PPARGC1B: variants seen among roughly 807,000 people sequenced by gnomAD.
The protein encoded by PPARGC1B is PPARG coactivator 1 beta.
A neutral mutation model predicts 101.6 loss-of-function variants in PPARGC1B; 34 were observed. The ratio of observed to expected loss-of-function variants is 0.33; its 90% CI spans 0.25 to 0.45. PPARGC1B has a LOEUF of 0.45. Ranked by LOEUF, PPARGC1B falls within the 20% of genes least tolerant of loss-of-function variation. The probability of loss-of-function intolerance (pLI) is 1.00; values close to 1 mark genes in which losing one functional copy is unlikely to be tolerated. For synonymous variants in PPARGC1B, 548 were observed against 539.3 expected (o/e 1.02, Z -0.22); for missense variants, 1,234 against 1,317.6 (o/e 0.94, Z 0.98).
At chr5:149,813,640 A>G (rs1757941551) in intron 1 of PPARGC1B, among the ~76,000 whole-genome samples, 1 of 152,194 alleles carries the variant, frequency 6.6e-6, no homozygotes, top group South Asian at 2.1e-4. Context: ...CATCCGCTGC[A>G]CCTTGGGAAG....
At chr5:149,855,927 G>T (rs147307172), downstream of PPARGC1B, among the ~76,000 whole-genome samples, 334 of 152,128 alleles carry the variant, frequency 2.2e-3, 12 homozygotes, top group East Asian at 0.06. Flanking sequence ...GACTAGCCTG[G>T]CCAACGTGGT....
Position 149,840,108 on chromosome 5 carries a change from A to G in PPARGC1B, c.2686A>G (p.Lys896Glu). 1 of 1,612,840 alleles carries G rather than the reference A, an allele frequency of 6.2e-7. No individual in the cohort carries two copies. The highest frequency in any genetic ancestry group is 2.2e-5 in the East Asian group (1 of 44,866). Residue 896 changes from lysine (K) to glutamate (E), a missense_variant, in exon 9 of 12, where the codon AAG becomes GAG. Around this residue, in one of 3 missense-constraint regions of PPARGC1B, gnomAD observed 497 missense variants for 529.5 expected, o/e 0.94. Coordinates refer to ENST00000309241, the MANE Select transcript of PPARGC1B (RefSeq NM_133263.4). ...SIRHARKRRE[K>E]AIGEGRVVYI... ...CCGGCACGCCAGGAAGCGGCGGGAA[A>G]AGGCCATTGTAAGTGATCTGGGGGC...
intron 1 of PPARGC1B, among the ~76,000 whole-genome samples, chr5:149,802,724 A>G (rs1757469354): frequency 6.6e-6 from 1 of 151,854 alleles, no homozygotes; most frequent in Non-Finnish European, 1.5e-5. Context: ...TGTTGCATCC[A>G]TGGTCACATG....
chr5:149,749,377 G>A (rs1183132870), intron 1 of PPARGC1B, among the ~76,000 whole-genome samples: 1 of 152,224 alleles, frequency 6.6e-6, no homozygotes, highest in Non-Finnish European at 1.5e-5. Context: ...GGTCACTGTT[G>A]TAGGAACTGG....
intron 1 of PPARGC1B, among the ~76,000 whole-genome samples, chr5:149,781,432 GCCTCAGTTTCCT>G (rs979328373): frequency 3.3e-5 from 5 of 152,184 alleles, no homozygotes; most frequent in Non-Finnish European, 7.3e-5. Flanking sequence ...GCCTCCCCAT[GCCTCAGTTTCCT>G]CCTGTGAAAA....
intron 6 of PPARGC1B, among the ~76,000 whole-genome samples, 154 bp downstream of exon 6, chr5:149,834,864 G>T (rs774663924): frequency 6.6e-6 from 1 of 152,216 alleles, no homozygotes; most frequent in Non-Finnish European, 1.5e-5. Flanking sequence ...CAGGAGCTGG[G>T]CTCCTTTAGA....
chr5:149,776,141 C>T (rs1390537208), intron 1 of PPARGC1B, among the ~76,000 whole-genome samples: 1 of 142,066 alleles, frequency 7.0e-6, no homozygotes, highest in African/African-American at 2.5e-5. Context: ...AACCCCTGTA[C>T]ATTCTATTCT....
At chr5:149,811,851 C>T (rs1298385194) in intron 1 of PPARGC1B, among the ~76,000 whole-genome samples, 2 of 152,228 alleles carry the variant, frequency 1.3e-5, no homozygotes, top group Non-Finnish European at 1.5e-5. Flanking sequence ...ATCCTGTTGC[C>T]CTGCCTACCA....
Position 149,835,462 on chromosome 5 carries a change from C to T in PPARGC1B, c.1807+97C>T, listed in dbSNP as rs538191695. The T allele has an allele frequency of 7.5e-5, 82 of 1,091,412 alleles. No homozygotes were observed. In the South Asian group the frequency reaches 7.7e-4, roughly 10 times the overall value. 67.6% of individuals were successfully genotyped at this position (1,091,412 alleles called of 1,614,324 possible). On this transcript the variant is annotated intron_variant, in intron 7 of 11. Coordinates refer to ENST00000309241, the MANE Select transcript of PPARGC1B (RefSeq NM_133263.4). ...CATGGGCAAGGTGCCACGCAATGAACGATGCGCAAGATGCCTGCCTTCACG... is the reference window on the plus strand; with the variant it reads ...CATGGGCAAGGTGCCACGCAATGAATGATGCGCAAGATGCCTGCCTTCACG...
rs1199839991 is a variant in PPARGC1B at position 149,755,052 on chromosome 5, C to CATATATATATATATATATATATATATAT, written c.78+24653_78+24654insTATATATATATATATATATATATATATA. Among the ~76,000 whole-genome samples, 109 of 108,852 alleles carry CATATATATATATATATATATATATATAT rather than the reference C, an allele frequency of 1.0e-3. 4 individuals are homozygous for CATATATATATATATATATATATATATAT. Among genetic ancestry groups the CATATATATATATATATATATATATATAT allele is most frequent in the African/African-American group, 3.7e-3 (97 of 26,528 alleles). The allele number at this position is 108,852 out of a possible 152,430, so 71.4% of individuals were successfully genotyped here. A position where few individuals can be genotyped will look rare whatever the true frequency, so the allele number is the denominator to read the frequency against. On this transcript the variant is annotated intron_variant, in intron 1 of 11. Coordinates refer to ENST00000309241, the MANE Select transcript of PPARGC1B (RefSeq NM_133263.4). Reference sequence around the variant, plus strand: ...TACACTACATATACATATACATATACATATATATATATATATATATAATTT... The same window carrying CATATATATATATATATATATATATATAT: ...TACACTACATATACATATACATATACATATATATATATATATATATATATATATATATATATATATATATATATAATTT...
At chr5:149,743,685 G>A (rs1386568346) in intron 1 of PPARGC1B, among the ~76,000 whole-genome samples, 1 of 152,214 alleles carries the variant, frequency 6.6e-6, no homozygotes, top group Non-Finnish European at 1.5e-5. Context: ...GTGCTAGGAT[G>A]TGTGGGTGAG....
At chr5:149,735,336 G>A (rs1017753388) in intron 1 of PPARGC1B, among the ~76,000 whole-genome samples, 6 of 152,136 alleles carry the variant, frequency 3.9e-5, no homozygotes, top group South Asian at 2.1e-4. Context: ...TTAGCAGCTC[G>A]TGCAGGCCAG....
At chr5:149,732,214 C>A (rs2011407) in intron 1 of PPARGC1B, among the ~76,000 whole-genome samples, 49,041 of 152,126 alleles carry the variant, frequency 0.32, 8,985 homozygotes, top group African/African-American at 0.51. Context: ...TCAGTACCCC[C>A]AGAGCCGACA....
chr5:149,837,270 G>T lies in PPARGC1B; in HGVS notation c.2618+197G>T, dbSNP rs1224701140. 6.6e-6 allele frequency among the ~76,000 whole-genome samples: 1 copy of T among 152,158 alleles called. No individual in the cohort carries two copies. Among genetic ancestry groups the T allele is most frequent in the African/African-American group, 2.4e-5 (1 of 41,448 alleles). On this transcript the variant is annotated intron_variant, in intron 8 of 11. Transcript: ENST00000309241. This position sits in a 1 kb window ranked among gnomAD's most constrained non-coding sequence, Gnocchi z 4.2. ...AGTTGTGGGTGAGTTCTGGAGGCAG[G>T]CACAGCCTGGTCTGTGAAATCGAGA...
At position 149,832,390 on chromosome 5, in the gene PPARGC1B, T is replaced by C. The variant is rs549906545; in HGVS notation, c.583-266T>C. Among the ~76,000 whole-genome samples the C allele has an allele frequency of 2.6e-5, 4 of 152,168 alleles. No homozygotes were observed. The East Asian group carries it at 7.7e-4, about 29-fold the overall frequency. On this transcript the variant is annotated intron_variant, in intron 4 of 11. Transcript: ENST00000309241. This position sits in a 1 kb window ranked among gnomAD's most constrained non-coding sequence, Gnocchi z 4.9. ...GGAGGCGGAATGGTCAGAGTGGGGC[T>C]TTGTCAGTGAATCTGGAAGGGTCTG...
chr5:149,745,774 C>T (rs376685931), intron 1 of PPARGC1B, among the ~76,000 whole-genome samples: 9 of 152,070 alleles, frequency 5.9e-5, no homozygotes, highest in African/African-American at 1.9e-4. Context: ...AGGATCCTGC[C>T]GGTAATCAGT....
intron 1 of PPARGC1B, among the ~76,000 whole-genome samples, chr5:149,765,835 T>A: frequency 7.7e-6 from 1 of 130,454 alleles, no homozygotes; most frequent in East Asian, 2.2e-4. Flanking sequence ...CACTTCAGCC[T>A]GGGTGACAGA....
intron 1 of PPARGC1B, among the ~76,000 whole-genome samples, chr5:149,748,326 T>TAG (rs1755164327): frequency 1.2e-5 from 1 of 86,888 alleles, no homozygotes; most frequent in African/African-American, 5.2e-5. Flanking sequence ...TAGATATATC[T>TAG]ATATATATAT....
chr5:149,817,582 A>T, intron 1 of PPARGC1B: 1 of 377,652 alleles, frequency 2.6e-6, no homozygotes, highest in Non-Finnish European at 5.3e-6. Flanking sequence ...GTCTAGAATG[A>T]AATATTTACA....
Sources: gnomAD v4.1 joint callset for allele counts (sites outside exome capture counted in the v4.1 genomes callset) on GRCh38, gnomAD v4.1.1 for gene constraint, gnomAD v4.1.1 regional missense constraint, Gnocchi (gnomAD v3.1) non-coding constraint, MANE v1.5 for transcripts, NCBI Gene and HGNC (gene_info 2026-07-23, HGNC 2026-07-21) for gene names.